Variants in FSTL5 observed in about 807,000 individuals in gnomAD.
FSTL5 encodes follistatin like 5.
In FSTL5, 62 loss-of-function variants were observed where a neutral mutation model predicts 89.1. The ratio of observed to expected loss-of-function variants is 0.70; its 90% CI spans 0.57 to 0.86. The LOEUF (loss-of-function observed/expected upper bound fraction) is 0.86. FSTL5 is among the 40% of genes least tolerant of loss of function. FSTL5 has a pLI of 0.00. For synonymous variants in FSTL5, 383 were observed against 346.2 expected, an observed-to-expected ratio of 1.11 and a Z score of -1.18; for missense variants, 1,057 against 1,001.6, an observed-to-expected ratio of 1.06 and a Z score of -0.75.
intron 4 of FSTL5, among the ~76,000 whole-genome samples, chr4:161,890,022 G>A (rs913995699): frequency 6.6e-6 from 1 of 151,332 alleles, no homozygotes; most frequent in Non-Finnish European, 1.5e-5. Context: ...TGAAGACATT[G>A]GGAGGAGATT....
rs73861562 is a variant in FSTL5, at chr4:161,512,480, G to A, written c.1313-2056C>T. ...GGTGGATTAGACATTGTTAAACAGG[G>A]GGAACTTCTCTAATTATGATCAAGG... On this transcript the variant is annotated intron_variant, in intron 10 of 15. Transcript: ENST00000306100. Among the ~76,000 whole-genome samples, 1,052 of 152,080 alleles carry A rather than the reference G, an allele frequency of 6.9e-3. 8 individuals are homozygous for A. Among genetic ancestry groups the A allele is most frequent in the African/African-American group, 0.023 (937 of 41,524 alleles).
chr4:161,714,807 G>C (rs1006412866), intron 6 of FSTL5, among the ~76,000 whole-genome samples: 3 of 152,052 alleles, frequency 2.0e-5, no homozygotes, highest in African/African-American at 7.2e-5. Flanking sequence ...GGTGCAGCTG[G>C]CTTTTAGTAG....
intron 4 of FSTL5, among the ~76,000 whole-genome samples, chr4:161,833,520 C>G (rs1292979500): frequency 7.6e-6 from 1 of 132,048 alleles, no homozygotes; most frequent in Non-Finnish European, 1.7e-5. Context: ...GAGTCTAAGT[C>G]TCTTTGTAGG....
chr4:161,654,894 A>G (rs760683621), intron 7 of FSTL5, among the ~76,000 whole-genome samples: 1 of 152,056 alleles, frequency 6.6e-6, no homozygotes, highest in African/African-American at 2.4e-5. Context: ...TTTGATGCTC[A>G]CTCTAAACAG....
At chr4:161,396,415 T>G (rs1731001147) in intron 15 of FSTL5, among the ~76,000 whole-genome samples, 1 of 149,602 alleles carries the variant, frequency 6.7e-6, no homozygotes, top group African/African-American at 2.5e-5. Context: ...GCCGAGGAAC[T>G]CAGATGACCT....
intron 15 of FSTL5, among the ~76,000 whole-genome samples, chr4:161,435,706 T>C (rs1732536666): frequency 6.6e-6 from 1 of 150,890 alleles, no homozygotes; most frequent in Admixed American, 6.6e-5. Context: ...ATATATTATA[T>C]ATGTAATTAC....
At chr4:161,994,312 C>A (rs1197823866) in intron 3 of FSTL5, among the ~76,000 whole-genome samples, 1 of 152,124 alleles carries the variant, frequency 6.6e-6, no homozygotes, top group Non-Finnish European at 1.5e-5. Context: ...TAGGTTGATT[C>A]CATGTCTTTG....
intron 7 of FSTL5, among the ~76,000 whole-genome samples, chr4:161,621,180 C>G (rs978639733): frequency 3.3e-5 from 5 of 151,830 alleles, no homozygotes; most frequent in Admixed American, 6.6e-5. Context: ...AGGGTATTTT[C>G]TGATCACTGA....
intron 15 of FSTL5, among the ~76,000 whole-genome samples, chr4:161,448,984 C>T (rs1400550798): frequency 6.6e-6 from 1 of 152,082 alleles, no homozygotes; most frequent in Non-Finnish European, 1.5e-5. Context: ...TATAACAAAA[C>T]CTTTTGAACA....
rs377496568 is a variant in FSTL5, at chr4:161,947,292, G to C, written c.161-26640C>G. ...TATTTTTTTATTGATGTTGCTTTTT[G>C]TGTGCTATGTAAGATTTCTCTGCCT... is the stretch of plus-strand genomic sequence containing the variant. On this transcript the variant is annotated intron_variant, in intron 3 of 15. Transcript: ENST00000306100. 6.7e-5 allele frequency among the ~76,000 whole-genome samples: 10 copies of C among 149,720 alleles called. No homozygotes were observed. In the East Asian group the frequency reaches 7.9e-4, roughly 12 times the overall value.
chr4:161,677,068 A>G (rs1420563599), intron 6 of FSTL5, among the ~76,000 whole-genome samples: 3 of 152,072 alleles, frequency 2.0e-5, no homozygotes, highest in Non-Finnish European at 2.9e-5. Flanking sequence ...GCAATTTTAT[A>G]AATATTAAAA....
At chr4:162,099,224 T>C (rs78473290) in intron 2 of FSTL5, among the ~76,000 whole-genome samples, 5,987 of 152,132 alleles carry the variant, frequency 0.039, 356 homozygotes, top group African/African-American at 0.12. Flanking sequence ...GCACGCTAAG[T>C]GTCTACATAC....
chr4:161,846,675 T>C (rs986476669), intron 4 of FSTL5, among the ~76,000 whole-genome samples: 5 of 152,294 alleles, frequency 3.3e-5, no homozygotes, highest in Admixed American at 1.3e-4. Context: ...TTTTATGTCA[T>C]TGACATTTTA....
chr4:162,047,057 A>G (rs1445734587), intron 2 of FSTL5, among the ~76,000 whole-genome samples: 4 of 152,174 alleles, frequency 2.6e-5, no homozygotes, highest in Admixed American at 6.5e-5. Flanking sequence ...TCTATGATAT[A>G]GAAAATACAA....
At chr4:162,000,122 A>C (rs1578934282) in intron 3 of FSTL5, among the ~76,000 whole-genome samples, 1 of 151,956 alleles carries the variant, frequency 6.6e-6, no homozygotes, top group African/African-American at 2.4e-5. Flanking sequence ...TCAGTCAAAA[A>C]CTCTGTGCTT....
At chr4:161,958,822 C>G (rs947472373) in intron 3 of FSTL5, among the ~76,000 whole-genome samples, 1 of 152,132 alleles carries the variant, frequency 6.6e-6, no homozygotes, top group African/African-American at 2.4e-5. Context: ...ATTGAAGACT[C>G]AGCTGAAGAC....
intron 7 of FSTL5, among the ~76,000 whole-genome samples, chr4:161,620,388 C>T (rs1390391153): frequency 6.6e-6 from 1 of 152,050 alleles, no homozygotes; most frequent in Non-Finnish European, 1.5e-5. Context: ...GGAGCAGTGG[C>T]TTACATCTGT....
chr4:161,852,204 A>T (rs1344590905), intron 4 of FSTL5, among the ~76,000 whole-genome samples: 1 of 151,954 alleles, frequency 6.6e-6, no homozygotes, highest in African/African-American at 2.4e-5. Context: ...TATTTATTTG[A>T]AATCATACAT....
chr4:161,493,892 A>G (rs1179785366), intron 12 of FSTL5, among the ~76,000 whole-genome samples: 1 of 152,120 alleles, frequency 6.6e-6, no homozygotes, highest in Non-Finnish European at 1.5e-5. Flanking sequence ...GGCCCACTTA[A>G]TAATGCTATG....
Sources: allele counts gnomAD v4.1 joint callset (sites outside exome capture counted in the v4.1 genomes callset), GRCh38; gene constraint gnomAD v4.1.1; transcripts MANE v1.5; gene names NCBI Gene and HGNC (gene_info 2026-07-23, HGNC 2026-07-21).